PTPRG: variants seen among roughly 807,000 people sequenced by gnomAD.
The protein encoded by PTPRG is receptor-type tyrosine-protein phosphatase gamma.
Under a neutral mutation model 165.3 loss-of-function variants are expected in PTPRG, and 102 were observed. That is an observed-to-expected ratio of 0.62 (90% CI 0.53 to 0.73). The LOEUF (loss-of-function observed/expected upper bound fraction) is 0.73. Among genes scored for constraint, PTPRG ranks in the 30% least tolerant of loss-of-function variants. The pLI, the probability that PTPRG is intolerant of heterozygous loss-of-function variation, is 0.00. For missense variants in PTPRG, 1,866 were observed against 1,861.4 expected, an observed-to-expected ratio of 1.00 and a Z score of -0.05; for synonymous variants, 675 against 669.5, an observed-to-expected ratio of 1.01 and a Z score of -0.13.
intron 4 of PTPRG, among the ~76,000 whole-genome samples, chr3:62,035,664 A>C (rs1228235987): frequency 6.6e-6 from 1 of 152,232 alleles, no homozygotes; most frequent in Non-Finnish European, 1.5e-5. Flanking sequence ...TGCTTTATTA[A>C]TGCTTTGGCT....
intron 4 of PTPRG, among the ~76,000 whole-genome samples, chr3:62,036,240 G>T (rs886480655): frequency 8.5e-5 from 13 of 152,166 alleles, no homozygotes; most frequent in African/African-American, 3.1e-4. Context: ...GGCCTTAATA[G>T]GCCTTGAAGG....
At chr3:62,123,006 C>T (rs898585197) in intron 5 of PTPRG, among the ~76,000 whole-genome samples, 24 of 152,298 alleles carry the variant, frequency 1.6e-4, no homozygotes, top group African/African-American at 5.3e-4. Context: ...TATTCCGCTA[C>T]TCAGTTCTTG....
At chr3:61,685,229 A>G (rs924878162) in intron 1 of PTPRG, among the ~76,000 whole-genome samples, 1 of 152,246 alleles carries the variant, frequency 6.6e-6, no homozygotes, top group Non-Finnish European at 1.5e-5. Flanking sequence ...AGTTCAAGAC[A>G]AGGAAACTGG....
At chr3:61,759,966 AC>A (rs2033779125) in intron 2 of PTPRG, among the ~76,000 whole-genome samples, 1 of 152,056 alleles carries the variant, frequency 6.6e-6, no homozygotes. Flanking sequence ...ATACCCTGGT[AC>A]CCTTCATGTC....
chr3:61,737,189 CCTCTCT>C (rs925574129), intron 1 of PTPRG, among the ~76,000 whole-genome samples: 2 of 151,838 alleles, frequency 1.3e-5, no homozygotes, highest in African/African-American at 4.8e-5. Context: ...TTCCCTGCCT[CCTCTCT>C]CTCTCTAAGT....
intron 2 of PTPRG, among the ~76,000 whole-genome samples, chr3:61,754,452 G>A (rs625163): frequency 0.38 from 58,433 of 152,012 alleles, 11,472 homozygotes; most frequent in Non-Finnish European, 0.43. Flanking sequence ...GTGTCTGGGC[G>A]TGTGTCTCAT....
intron 2 of PTPRG, among the ~76,000 whole-genome samples, chr3:61,897,914 T>C (rs2038399620): frequency 6.6e-6 from 1 of 152,194 alleles, no homozygotes; most frequent in South Asian, 2.1e-4. Context: ...TCTGTAACCT[T>C]ACTGAACTCA....
At chr3:62,121,245 G>A (rs1304805896) in intron 5 of PTPRG, among the ~76,000 whole-genome samples, 2 of 151,836 alleles carry the variant, frequency 1.3e-5, no homozygotes, top group Admixed American at 6.6e-5. Flanking sequence ...GAGCCACCGC[G>A]CCCAGCCTAT....
chr3:61,785,862 T>TACACAG, intron 2 of PTPRG, among the ~76,000 whole-genome samples: 1 of 152,124 alleles, frequency 6.6e-6, no homozygotes, highest in Admixed American at 6.5e-5. Context: ...ATGCCTCCAA[T>TACACAG]ACACAGACAC....
rs1388100597 is a variant in PTPRG at position 61,890,412 on chromosome 3, G to GTTTTTTTTTTTTTTTTT, written c.191-99203_191-99202insTTTTTTTTTTTTTTTTT. Among the ~76,000 whole-genome samples the GTTTTTTTTTTTTTTTTT allele has an allele frequency of 1.2e-4, 11 of 95,430 alleles. 1 individual carries two copies. The highest frequency in any genetic ancestry group is 4.1e-4 in the African/African-American group (9 of 21,908). 62.6% of individuals were successfully genotyped at this position (95,430 alleles called of 152,430 possible). ...GTTTTGGGCGGGTTTCTTGTTCTTT[G>GTTTTTTTTTTTTTTTTT]TTTTTTTTTTGTTTTTTTTTTTTTT... On this transcript the variant is annotated intron_variant, in intron 2 of 29. Transcript: ENST00000474889.
intron 1 of PTPRG, among the ~76,000 whole-genome samples, chr3:61,598,565 C>T (rs554551615): frequency 3.3e-5 from 5 of 152,264 alleles, no homozygotes; most frequent in Non-Finnish European, 5.9e-5. Context: ...CGCTTAGAGT[C>T]GGGGACCAGT....
At chr3:61,861,697 G>A (rs1166188869) in intron 2 of PTPRG, among the ~76,000 whole-genome samples, 1 of 152,192 alleles carries the variant, frequency 6.6e-6, no homozygotes, top group African/African-American at 2.4e-5. Context: ...TCAGAGATGG[G>A]AGAAGGAGGA....
intron 2 of PTPRG, chr3:61,771,144 C>A (rs115150141): frequency 2.6e-5 from 4 of 152,016 alleles, no homozygotes; most frequent in Non-Finnish European, 5.9e-5. Flanking sequence ...CTTTTTTATG[C>A]AGAACAATGT....
chr3:62,243,088 AG>A (rs1391941583), intron 14 of PTPRG, among the ~76,000 whole-genome samples: 1 of 152,102 alleles, frequency 6.6e-6, no homozygotes, highest in Non-Finnish European at 1.5e-5. Context: ...AGGAAAGCTG[AG>A]GGCCAGCCAG....
At chr3:61,628,725 G>A (rs2106921772) in intron 1 of PTPRG, among the ~76,000 whole-genome samples, 1 of 152,248 alleles carries the variant, frequency 6.6e-6, no homozygotes, top group Admixed American at 6.5e-5. Flanking sequence ...GTTTGGAGGT[G>A]GGGTAAGGTA....
rs1700827706 is a variant in PTPRG, at chr3:62,228,811, T to C, written c.2289-2414T>C. Among the ~76,000 whole-genome samples, 4 of 152,210 alleles carry C rather than the reference T, an allele frequency of 2.6e-5. No homozygotes were observed. The highest frequency in any genetic ancestry group is 2.0e-4 in the Admixed American group (3 of 15,284). Reference sequence around the variant, plus strand: ...GTGAGAATCAAAAGGTAGGTTTATATAAAACTTTGTCTAGTTTGGAAAACT... The same window carrying C: ...GTGAGAATCAAAAGGTAGGTTTATACAAAACTTTGTCTAGTTTGGAAAACT... On this transcript the variant is annotated intron_variant, in intron 13 of 29. Transcript: ENST00000474889. The surrounding 1 kb of genome is among the most constrained non-coding windows in gnomAD (Gnocchi z 4.1).
intron 1 of PTPRG, among the ~76,000 whole-genome samples, chr3:61,575,113 A>G (rs1339248780): frequency 6.6e-6 from 1 of 152,226 alleles, no homozygotes; most frequent in Non-Finnish European, 1.5e-5. Flanking sequence ...CTTTCTGAAC[A>G]TATTTTAGGA....
intron 1 of PTPRG, among the ~76,000 whole-genome samples, chr3:61,617,666 G>C (rs967661440): frequency 1.3e-5 from 2 of 152,122 alleles, no homozygotes; most frequent in Non-Finnish European, 2.9e-5. Context: ...CCAGAGGCTC[G>C]GCTCCAGCAA....
intron 7 of PTPRG, 33 bp from the exon 8 acceptor site, chr3:62,167,938 T>TC: frequency 1.3e-6 from 2 of 1,566,340 alleles, no homozygotes; most frequent in Non-Finnish European, 1.7e-6. Context: ...GTTGTTTTTT[T>TC]TTTCCCCCTC....
Sources: allele counts gnomAD v4.1 joint callset (sites outside exome capture counted in the v4.1 genomes callset), GRCh38; gene constraint gnomAD v4.1.1; non-coding constraint Gnocchi (gnomAD v3.1); transcripts MANE v1.5; gene names NCBI Gene and HGNC (gene_info 2026-07-23, HGNC 2026-07-21).